ZNF335: variants seen among roughly 807,000 people sequenced by gnomAD.
The protein encoded by ZNF335 is zinc finger protein 335, also known as NRC-interacting factor 1.
ZNF335 carries 84 observed loss-of-function variants against 145.6 expected under a neutral mutation model. The ratio of observed to expected loss-of-function variants is 0.58; its 90% CI spans 0.48 to 0.69. The LOEUF (loss-of-function observed/expected upper bound fraction) is 0.69. ZNF335 is among the 30% of genes least tolerant of loss of function. ZNF335 has a pLI of 0.00. For missense variants in ZNF335, 1,865 were observed against 1,809.7 expected (o/e 1.03, Z -0.55); for synonymous variants, 761 against 717.0 (o/e 1.06, Z -0.98).
intron 18 of ZNF335, among the ~76,000 whole-genome samples, chr20:45,953,005 C>T (rs1171836784): frequency 1.3e-5 from 2 of 152,204 alleles, no homozygotes; most frequent in Non-Finnish European, 2.9e-5. Context: ...CAGTAGCAAA[C>T]GGTGAATCCA....
chr20:45,966,261 G>C (rs1377358960), intron 6 of ZNF335, among the ~76,000 whole-genome samples: 1 of 150,310 alleles, frequency 6.7e-6, no homozygotes, highest in Admixed American at 6.6e-5. Flanking sequence ...TGGTATTTTA[G>C]TAGAGACAGG....
Position 45,960,680 on chromosome 20 carries a change from A to G in ZNF335, c.1718T>C (p.Met573Thr). The G allele has an allele frequency of 6.2e-7, 1 of 1,614,064 alleles. No homozygotes were observed. Among genetic ancestry groups the G allele is most frequent in the Non-Finnish European group, 8.5e-7 (1 of 1,180,012 alleles). ...PCPVCGRVYP[M>T]QKRLTQHMKT... is the part of the protein sequence containing the mutation. ...CATGTGCTGCGTGAGTCTTTTCTGC[A>G]TGGGGTACACACGGCCACACACAGG... Residue 573 changes from methionine (M) to threonine (T), a missense_variant, in exon 12 of 28, where the codon ATG (methionine) becomes ACG (threonine). Coordinates refer to ENST00000322927, the MANE Select transcript of ZNF335 (RefSeq NM_022095.4).
At chr20:45,950,702 G>A in intron 20 of ZNF335, 107 bp from the exon 21 acceptor site, 1 of 1,505,424 alleles carries the variant, frequency 6.6e-7, no homozygotes, top group Admixed American at 1.9e-5. Flanking sequence ...AGTGGACCTG[G>A]GAAAACCAAA....
chr20:45,949,223 T>G lies in ZNF335; in HGVS notation c.3848A>C (p.Gln1283Pro). 6.2e-7 allele frequency: 1 copy of G among 1,613,922 alleles called. No homozygotes were observed. The highest frequency in any genetic ancestry group is 8.5e-7 in the Non-Finnish European group (1 of 1,179,990). ...QIQYVPVSPGQQLVTQAQLEA... is the reference protein window; with the variant it reads ...QIQYVPVSPGPQLVTQAQLEA... ...AAGTTGAGCCTGTGTGACAAGCTGCTGGCCTGGGGACACAGGCACATACTG... is the reference window on the plus strand; with the variant it reads ...AAGTTGAGCCTGTGTGACAAGCTGCGGGCCTGGGGACACAGGCACATACTG... Residue 1283 changes from glutamine (Q) to proline (P), a missense_variant, in exon 27 of 28, where the codon CAG becomes CCG. Coordinates refer to ENST00000322927, the MANE Select transcript of ZNF335 (RefSeq NM_022095.4).
intron 14 of ZNF335, 147 bp downstream of exon 14, chr20:45,960,060 TG>T: frequency 1.1e-6 from 1 of 944,688 alleles, no homozygotes; most frequent in Non-Finnish European, 1.5e-6. Flanking sequence ...AATACGCCTA[TG>T]GGAAATTCTC....
chr20:45,957,750 C>T (rs1600530077), intron 16 of ZNF335, 70 bp from the exon 17 acceptor site: 1 of 1,601,632 alleles, frequency 6.2e-7, no homozygotes, highest in Non-Finnish European at 8.6e-7. Context: ...CCCTCCCCAT[C>T]TTCCAGCCCC....
In ZNF335 at chr20:45,949,401, G is replaced by A; in HGVS notation, c.3754-3C>T. 1 of 1,614,136 alleles carries A rather than the reference G, an allele frequency of 6.2e-7. No individual in the cohort carries two copies. The highest frequency in any genetic ancestry group is 1.3e-5 in the African/African-American group (1 of 75,050). ...TGTGTGATCTGGCCCTCCTGTACCT[G>A]CAGAGAGGAAGCCAAGCTGTGATCC... On this transcript the variant is annotated splice_region_variant and splice_polypyrimidine_tract_variant and intron_variant, in intron 25 of 27. Transcript: ENST00000322927.
Position 45,969,742 on chromosome 20 carries a change from C to A in ZNF335, c.202-51G>T, listed in dbSNP as rs771238047. On this transcript the variant is annotated intron_variant, in intron 2 of 27. Coordinates refer to ENST00000322927, the MANE Select transcript of ZNF335 (RefSeq NM_022095.4). The stretch of plus-strand genomic sequence containing the variant: ...AAAAGTTTAGCAGCTGGGTATGGGG[C>A]AGGGCAGCCTGCCAGCTCCCACTTG... The A allele has an allele frequency of 2.5e-6, 4 of 1,586,316 alleles. No homozygotes were observed. The South Asian group carries it at 4.5e-5, about 18-fold the overall frequency.
intron 6 of ZNF335, chr20:45,967,218 G>C (rs1184854462): frequency 2.1e-6 from 1 of 478,572 alleles, no homozygotes; most frequent in Non-Finnish European, 3.8e-6. Flanking sequence ...ACTCCAGTCT[G>C]AGCAACAGGG....
At position 45,958,055 on chromosome 20, in the gene ZNF335, C is replaced by CT. The variant is rs796983437; in HGVS notation, c.2254-128dup. 86,692 of 536,166 alleles carry CT rather than the reference C, an allele frequency of 0.16. 1,194 individuals are homozygous for CT. The highest frequency in any genetic ancestry group is 0.23 in the African/African-American group (11,681 of 50,154). 33.2% of individuals were successfully genotyped at this position (536,166 alleles called of 1,614,324 possible). ...TTGTTTCATCTTCATAACCACTTTT[C>CT]TTTTTTTTTTTTTGAGATGGAGTCT... is the stretch of plus-strand genomic sequence containing the variant. On this transcript the variant is annotated intron_variant, in intron 15 of 27. Transcript: ENST00000322927.
chr20:45,971,854 C>T lies in ZNF335; in HGVS notation c.-51+268G>A, dbSNP rs576760771. 108 of 985,318 alleles carry T rather than the reference C, an allele frequency of 1.1e-4. No homozygotes were observed. In the African/African-American group the frequency reaches 1.8e-3, roughly 16 times the overall value. The allele number at this position is 985,318 out of a possible 1,614,324, so 61.0% of individuals were successfully genotyped here. ...TCAGTGGTTCGCTCCCCCCCGGTTC[C>T]CCTGCGGAGGCGGCTGACAGCGACG... On this transcript the variant is annotated intron_variant, in intron 1 of 27. Transcript: ENST00000322927.
intron 17 of ZNF335, among the ~76,000 whole-genome samples, chr20:45,956,551 G>C (rs114573142): frequency 0.017 from 2,570 of 152,212 alleles, 75 homozygotes; most frequent in African/African-American, 0.059. Flanking sequence ...TTACAAGCAT[G>C]TGCTTTTGTA....
intron 14 of ZNF335, 149 bp downstream of exon 14, chr20:45,960,059 A>T (rs1481900889): frequency 6.4e-6 from 6 of 937,662 alleles, no homozygotes; most frequent in Non-Finnish European, 9.3e-6. Flanking sequence ...GAATACGCCT[A>T]TGGGAAATTC....
At chr20:45,959,162 G>C (rs56295229) in intron 15 of ZNF335, 39 bp downstream of exon 15, 1 of 1,312,072 alleles carries the variant, frequency 7.6e-7, no homozygotes, top group Non-Finnish European at 9.9e-7. Context: ...TGGGAGAAGC[G>C]GCCTCACTCT....
Position 45,949,075 on chromosome 20 carries a change from C to A in ZNF335, c.3907G>T (p.Ala1303Ser). 1 of 1,613,778 alleles carries A rather than the reference C, an allele frequency of 6.2e-7. No individual in the cohort carries two copies. The highest frequency in any genetic ancestry group is 1.1e-5 in the South Asian group (1 of 91,080). The change falls in exon 28 of 28, where the codon GCT becomes TCT. Residue 1303 changes from alanine to serine, a missense_variant. Coordinates refer to ENST00000322927, the MANE Select transcript of ZNF335 (RefSeq NM_022095.4). ...TGGGCTTGGGCCATGGCAGCATCAG[C>A]CACTGCTGCCAGGGGAGGGGAAAGT... is the stretch of plus-strand genomic sequence containing the variant. ...AAAHSAVTAVADAAMAQAQGL... is the reference protein window; with the variant it reads ...AAAHSAVTAVSDAAMAQAQGL...
intron 18 of ZNF335, among the ~76,000 whole-genome samples, chr20:45,953,203 A>T (rs1030561974): frequency 6.6e-6 from 1 of 152,224 alleles, no homozygotes; most frequent in Non-Finnish European, 1.5e-5. Context: ...AGTTTGGTGA[A>T]CATAAACATG....
At chr20:45,967,057 C>T in intron 6 of ZNF335, 1 of 188,240 alleles carries the variant, frequency 5.3e-6, no homozygotes, top group South Asian at 1.0e-4. Context: ...CCATGTTGTC[C>T]AGGCTGGGAG....
Position 45,963,598 on chromosome 20 carries a change from A to T in ZNF335, c.1408T>A (p.Cys470Ser). Residue 470 changes from cysteine (C) to serine (S), a missense_variant, in exon 9 of 28, where the codon TGT becomes AGT. By Grantham distance (112) the Cys-to-Ser change is moderately radical. Transcript: ENST00000322927. Reference protein sequence around the residue: ...PLLRPFLCRICGSRFLSHEDL... With the variant: ...PLLRPFLCRISGSRFLSHEDL... ...TCGTGGGACAGAAAGCGAGAACCACAGATGCGGCACAGGAAGGGCCTCAAA... is the reference window on the plus strand; with the variant it reads ...TCGTGGGACAGAAAGCGAGAACCACTGATGCGGCACAGGAAGGGCCTCAAA... 6.2e-7 allele frequency: 1 copy of T among 1,614,242 alleles called. No individual in the cohort carries two copies. The highest frequency in any genetic ancestry group is 8.5e-7 in the Non-Finnish European group (1 of 1,180,042).
Position 45,968,324 on chromosome 20 carries a change from C to T in ZNF335, c.481G>A (p.Glu161Lys), listed in dbSNP as rs145375257. The T allele has an allele frequency of 1.6e-5, 26 of 1,612,820 alleles. No homozygotes were observed. Among genetic ancestry groups the T allele is most frequent in the Non-Finnish European group, 2.0e-5 (24 of 1,179,448 alleles). The change falls in exon 4 of 28, where the codon GAG (glutamate) becomes AAG (lysine). Residue 161 changes from glutamate to lysine, a missense_variant. Coordinates refer to ENST00000322927, the MANE Select transcript of ZNF335 (RefSeq NM_022095.4). ...TGTAGGATCAGGTACCGTGTGGTCT[C>T]GGCCCCGCCATCCTCAGCACTGGTC... ...TVTSAEDGGA[E>K]TTRYLILQGP...
Sources: gnomAD v4.1 joint callset for allele counts (sites outside exome capture counted in the v4.1 genomes callset) on GRCh38, gnomAD v4.1.1 for gene constraint, MANE v1.5 for transcripts, NCBI Gene and HGNC (gene_info 2026-07-23, HGNC 2026-07-21) for gene names.